Variants in SOX5 observed in about 807,000 individuals in gnomAD.
SOX5 encodes transcription factor SOX-5.
SOX5 carries 9 observed loss-of-function variants against 92.0 expected under a neutral mutation model. The observed-to-expected ratio is 0.10, with a 90% CI of 0.06 to 0.17. The LOEUF (loss-of-function observed/expected upper bound fraction) is 0.17. Among genes scored for constraint, SOX5 ranks in the 10% least tolerant of loss-of-function variants. The pLI is 1.00. For synonymous variants in SOX5, 344 were observed against 336.3 expected, an observed-to-expected ratio of 1.02 and a Z score of -0.25; for missense variants, 642 against 944.5, an observed-to-expected ratio of 0.68 and a Z score of 4.20.
intron 4 of SOX5, among the ~76,000 whole-genome samples, chr12:24,021,166 G>A (rs1243093524): frequency 6.6e-6 from 1 of 152,140 alleles, no homozygotes; most frequent in East Asian, 1.9e-4. Flanking sequence ...CAAAGGAAGT[G>A]CATGGAAGGT....
In SOX5 at chr12:24,049,638, G is replaced by GTTTTTTTTTTTTTT. The variant is rs527647441; in HGVS notation, c.-1-153628_-1-153615dup. 1.1e-4 allele frequency among the ~76,000 whole-genome samples: 8 copies of GTTTTTTTTTTTTTT among 73,772 alleles called. 1 individual carries two copies. The highest frequency in any genetic ancestry group is 4.7e-4 in the African/African-American group (8 of 16,850). The allele number at this position is 73,772 out of a possible 152,430, so 48.4% of individuals were successfully genotyped here. A position where few individuals can be genotyped will look rare whatever the true frequency, so the allele number is the denominator to read the frequency against. On this transcript the variant is annotated intron_variant, in intron 4 of 4. Transcript: ENST00000446891. The stretch of plus-strand genomic sequence containing the variant: ...TGTTGATATTTTCCAATCCTTCATA[G>GTTTTTTTTTTTTTT]TTTTTTTTTTTTTTTTTTTTTTTTT...
chr12:24,290,620 C>A lies in SOX5; in HGVS notation c.-173-13308G>T, dbSNP rs546306795. Among the ~76,000 whole-genome samples, 21 of 152,250 alleles carry A rather than the reference C, an allele frequency of 1.4e-4. No homozygotes were observed. The South Asian group carries it at 4.4e-3, about 32-fold the overall frequency. ...CCATCTTGTGTCCTCCTAAACTTTC[C>A]TTTTCTGCCTCCCCACCACCCCCCT... On this transcript the variant is annotated intron_variant, in intron 2 of 4. Coordinates refer to the SOX5 transcript ENST00000446891.
intron 3 of SOX5, among the ~76,000 whole-genome samples, chr12:24,274,940 G>T (rs1335149257): frequency 6.6e-6 from 1 of 152,118 alleles, no homozygotes; most frequent in Non-Finnish European, 1.5e-5. Context: ...ACGGTACCTT[G>T]AACTGCCCTA....
At chr12:24,293,302 C>G (rs761303055) in intron 2 of SOX5, among the ~76,000 whole-genome samples, 14 of 152,150 alleles carry the variant, frequency 9.2e-5, no homozygotes, top group Non-Finnish European at 1.5e-5. Flanking sequence ...TCAACAGTGA[C>G]CAGAGAATGG....
At chr12:24,037,416 T>C (rs1425456517) in intron 4 of SOX5, among the ~76,000 whole-genome samples, 1 of 152,108 alleles carries the variant, frequency 6.6e-6, no homozygotes, top group Admixed American at 6.6e-5. Flanking sequence ...TAATCAATCA[T>C]TATGTGAACC....
At chr12:24,252,918 T>G (rs1171795023) in intron 3 of SOX5, among the ~76,000 whole-genome samples, 1 of 152,160 alleles carries the variant, frequency 6.6e-6, no homozygotes, top group South Asian at 2.1e-4. Context: ...CAGCAAGTAA[T>G]TTCCCTCTGC....
intron 1 of SOX5, among the ~76,000 whole-genome samples, chr12:23,903,873 A>G (rs2097263446): frequency 6.6e-6 from 1 of 152,212 alleles, no homozygotes; most frequent in Non-Finnish European, 1.5e-5. Flanking sequence ...TACTTATCCA[A>G]TATGGCAATT....
intron 9 of SOX5, among the ~76,000 whole-genome samples, chr12:23,578,055 A>C (rs916770321): frequency 7.7e-6 from 1 of 130,130 alleles, no homozygotes; most frequent in African/African-American, 2.9e-5. Context: ...CGGGAGGCGG[A>C]GGCTGCAGTG....
chr12:23,921,392 A>T (rs1938224041), intron 1 of SOX5, among the ~76,000 whole-genome samples: 1 of 152,108 alleles, frequency 6.6e-6, no homozygotes, highest in African/African-American at 2.4e-5. Flanking sequence ...TAAAAAAAAA[A>T]AAAAGTCAAA....
At chr12:23,885,516 G>A (rs1018647118) in intron 2 of SOX5, among the ~76,000 whole-genome samples, 1 of 152,112 alleles carries the variant, frequency 6.6e-6, no homozygotes, top group African/African-American at 2.4e-5. Context: ...TCTATATAAT[G>A]ATAACATTGT....
At chr12:24,269,200 A>G (rs1943386307) in intron 3 of SOX5, among the ~76,000 whole-genome samples, 1 of 152,228 alleles carries the variant, frequency 6.6e-6, no homozygotes, top group African/African-American at 2.4e-5. Flanking sequence ...GATTTGATAA[A>G]TAGTTAAAGC....
Position 24,393,316 on chromosome 12 carries a change from C to G in SOX5, c.-250-24677G>C, listed in dbSNP as rs1959174776. The stretch of plus-strand genomic sequence containing the variant: ...GCACGGCATTTACCTTCTGCAGCAA[C>G]AGCTGCTGCAAAATCATGCTGCTGA... On this transcript the variant is annotated intron_variant, in intron 1 of 4. Transcript: ENST00000446891. The surrounding 1 kb of genome is among the most constrained non-coding windows in gnomAD (Gnocchi z 5.0). Among the ~76,000 whole-genome samples the G allele has an allele frequency of 6.6e-6, 1 of 152,206 alleles. No homozygotes were observed. The highest frequency in any genetic ancestry group is 1.5e-5 in the Non-Finnish European group (1 of 68,034).
At chr12:24,190,514 G>A (rs1467105886) in intron 4 of SOX5, among the ~76,000 whole-genome samples, 4 of 152,276 alleles carry the variant, frequency 2.6e-5, no homozygotes, top group Admixed American at 6.5e-5. Context: ...GGAAAAGGTG[G>A]CTTAGGAACT....
intron 1 of SOX5, among the ~76,000 whole-genome samples, chr12:24,490,734 A>G (rs1946979251): frequency 6.6e-6 from 1 of 152,178 alleles, no homozygotes; most frequent in Non-Finnish European, 1.5e-5. Context: ...TCCAAAATCC[A>G]TATAAATATC....
intron 3 of SOX5, among the ~76,000 whole-genome samples, chr12:24,253,648 G>T (rs924816724): frequency 3.9e-5 from 6 of 152,132 alleles, no homozygotes; most frequent in African/African-American, 1.4e-4. Flanking sequence ...CATGCAGAAG[G>T]AATGTGGCGC....
intron 4 of SOX5, among the ~76,000 whole-genome samples, chr12:24,027,805 C>T (rs1955044717): frequency 6.6e-6 from 1 of 151,910 alleles, no homozygotes; most frequent in Admixed American, 6.6e-5. Flanking sequence ...CTTCACCAAT[C>T]CAAGTCACCA....
intron 7 of SOX5, among the ~76,000 whole-genome samples, chr12:23,663,753 T>A (rs1037891349): frequency 1.3e-5 from 2 of 151,980 alleles, no homozygotes; most frequent in Admixed American, 1.3e-4. Context: ...TTTAAAAAAA[T>A]CAGAATTTAG....
At chr12:23,594,473 A>G (rs1203552577) in intron 9 of SOX5, among the ~76,000 whole-genome samples, 3 of 152,108 alleles carry the variant, frequency 2.0e-5, no homozygotes, top group Non-Finnish European at 4.4e-5. Flanking sequence ...CTGGGGCTCA[A>G]ATTCCAGTAT....
At chr12:23,676,733 T>C (rs913029798) in intron 6 of SOX5, among the ~76,000 whole-genome samples, 1 of 152,212 alleles carries the variant, frequency 6.6e-6, no homozygotes, top group African/African-American at 2.4e-5. Flanking sequence ...ATGCCTTGAA[T>C]TATGGCACTT....
Sources: allele counts gnomAD v4.1 joint callset (sites outside exome capture counted in the v4.1 genomes callset), GRCh38; gene constraint gnomAD v4.1.1; non-coding constraint Gnocchi (gnomAD v3.1); transcripts MANE v1.5; gene names NCBI Gene and HGNC (gene_info 2026-07-23, HGNC 2026-07-21).